The following SHQ1 variants were observed in gnomAD, a reference collection of about 807,000 sequenced individuals.
SHQ1 encodes SHQ1, H/ACA ribonucleoprotein assembly factor.
A neutral mutation model predicts 53.8 loss-of-function variants in SHQ1; 49 were observed. The ratio of observed to expected loss-of-function variants is 0.91; its 90% CI spans 0.72 to 1.16. The LOEUF (loss-of-function observed/expected upper bound fraction) is 1.16, where lower values mean the gene tolerates loss of function less well. SHQ1 is among the 50% of genes most tolerant of loss of function. The probability of loss-of-function intolerance (pLI) is 0.00; values close to 1 mark genes in which losing one functional copy is unlikely to be tolerated. For synonymous variants in SHQ1, 243 were observed against 251.0 expected, an observed-to-expected ratio of 0.97 and a Z score of 0.30; for missense variants, 738 against 683.1, an observed-to-expected ratio of 1.08 and a Z score of -0.90.
intron 10 of SHQ1, among the ~76,000 whole-genome samples, chr3:72,769,394 C>T (rs144475552): frequency 2.0e-5 from 3 of 152,224 alleles, no homozygotes; most frequent in Non-Finnish European, 2.9e-5. Context: ...GCAACTTCTA[C>T]GTCTGCAGAC....
chr3:72,789,095 A>G (rs990332929), intron 10 of SHQ1, among the ~76,000 whole-genome samples: 3 of 152,158 alleles, frequency 2.0e-5, no homozygotes, highest in Non-Finnish European at 4.4e-5. Flanking sequence ...AAAAAAAAAA[A>G]AAAGAAAAAT....
chr3:72,784,687 A>C lies in SHQ1; in HGVS notation c.1181+8229T>G, dbSNP rs990638570. ...TTCTACATGCTAATCATTAGCAGCT[A>C]ATTTAACACTTAGCATTTCACCATT... On this transcript the variant is annotated intron_variant, in intron 10 of 10. Coordinates refer to ENST00000325599, the MANE Select transcript of SHQ1 (RefSeq NM_018130.3). Among the ~76,000 whole-genome samples, 5 of 152,246 alleles carry C rather than the reference A, an allele frequency of 3.3e-5. No individual in the cohort carries two copies. In the East Asian group the frequency reaches 9.6e-4, roughly 29 times the overall value.
At chr3:72,805,181 G>C (rs1706901747) in intron 9 of SHQ1, among the ~76,000 whole-genome samples, 1 of 152,100 alleles carries the variant, frequency 6.6e-6, no homozygotes, top group South Asian at 2.1e-4. Flanking sequence ...AAATTAATAA[G>C]AAAATAAAGA....
At chr3:72,783,638 T>C (rs887019949) in intron 10 of SHQ1, among the ~76,000 whole-genome samples, 6 of 152,200 alleles carry the variant, frequency 3.9e-5, no homozygotes, top group Non-Finnish European at 7.3e-5. Flanking sequence ...TTTTTATCAA[T>C]GTATCATAAT....
At chr3:72,837,287 A>G (rs1708031466) in intron 4 of SHQ1, among the ~76,000 whole-genome samples, 1 of 152,192 alleles carries the variant, frequency 6.6e-6, no homozygotes, top group Non-Finnish European at 1.5e-5. Context: ...AATTTGTTTC[A>G]GCAAAAATAT....
chr3:72,776,498 C>A (rs1705960467), intron 10 of SHQ1, among the ~76,000 whole-genome samples: 1 of 152,162 alleles, frequency 6.6e-6, no homozygotes, highest in African/African-American at 2.4e-5. Context: ...CACAACAAAA[C>A]TGCCTAATGA....
chr3:72,787,166 C>A lies in SHQ1; in HGVS notation c.1181+5750G>T, dbSNP rs1706257790. Among the ~76,000 whole-genome samples the A allele has an allele frequency of 3.3e-5, 5 of 152,334 alleles. No individual in the cohort carries two copies. In the South Asian group the frequency reaches 1.0e-3, roughly 32 times the overall value. ...GCTGTTTCCCTCTACAAACTTCCCA[C>A]ATTAGTGTCCAAAAGGTCAGAAGAT... On this transcript the variant is annotated intron_variant, in intron 10 of 10. Transcript: ENST00000325599.
intron 5 of SHQ1, among the ~76,000 whole-genome samples, chr3:72,827,753 CTTTTTTTT>C (rs397877851): frequency 2.7e-5 from 3 of 111,688 alleles, no homozygotes; most frequent in African/African-American, 1.1e-4. Context: ...TTTTTCAAGA[CTTTTTTTT>C]TTTTTTTTTT....
At chr3:72,813,535 G>A (rs930287344) in intron 8 of SHQ1, among the ~76,000 whole-genome samples, 12 of 150,282 alleles carry the variant, frequency 8.0e-5, no homozygotes, top group African/African-American at 2.7e-4. Context: ...GGAGGCCGAC[G>A]GGCGGACCAC....
intron 10 of SHQ1, among the ~76,000 whole-genome samples, chr3:72,788,777 C>A (rs1026652902): frequency 6.6e-6 from 1 of 152,120 alleles, no homozygotes; most frequent in Non-Finnish European, 1.5e-5. Context: ...TATAACCTTA[C>A]CCCCAACCCC....
chr3:72,815,227 G>A, intron 8 of SHQ1, 123 bp downstream of exon 8: 1 of 765,672 alleles, frequency 1.3e-6, no homozygotes, highest in Non-Finnish European at 2.2e-6. Context: ...AAACATACTT[G>A]TACAATAGAG....
intron 10 of SHQ1, among the ~76,000 whole-genome samples, chr3:72,784,521 C>T (rs1178055283): frequency 1.3e-5 from 2 of 152,168 alleles, no homozygotes; most frequent in African/African-American, 4.8e-5. Flanking sequence ...CACTTCCATC[C>T]AGGATGAATT....
At chr3:72,812,847 A>G (rs1707170154) in intron 8 of SHQ1, 53 bp from the exon 9 acceptor site, 1 of 1,603,460 alleles carries the variant, frequency 6.2e-7, no homozygotes. Flanking sequence ...TTACACAAAC[A>G]AAAGTACACA....
chr3:72,760,640 C>T (rs1197984251), intron 10 of SHQ1, among the ~76,000 whole-genome samples: 1 of 152,198 alleles, frequency 6.6e-6, no homozygotes, highest in Non-Finnish European at 1.5e-5. Context: ...CTCTCATCTG[C>T]TCTCTTTCAA....
At chr3:72,738,657 G>A in the SHQ1 span, among the ~76,000 whole-genome samples, 1 of 152,144 alleles carries the variant, frequency 6.6e-6, no homozygotes, top group Admixed American at 6.5e-5. Context: ...GAAAGCCACT[G>A]ATGTCGCCCC....
At chr3:72,827,265 G>A (rs141509378) in intron 5 of SHQ1, among the ~76,000 whole-genome samples, 3 of 152,170 alleles carry the variant, frequency 2.0e-5, no homozygotes, top group African/African-American at 7.2e-5. Flanking sequence ...TTTACAAACA[G>A]ACCCATCCAA....
At chr3:72,730,045 C>G in the SHQ1 span, among the ~76,000 whole-genome samples, 1 of 151,956 alleles carries the variant, frequency 6.6e-6, no homozygotes, top group East Asian at 1.9e-4. Flanking sequence ...GTCTCGATCT[C>G]CTGACCTCGT....
At chr3:72,755,294 GGATGGATA>G (rs1031996828) in intron 10 of SHQ1, among the ~76,000 whole-genome samples, 1 of 151,556 alleles carries the variant, frequency 6.6e-6, no homozygotes, top group African/African-American at 2.4e-5. Context: ...ATGGATGGAT[GGATGGATA>G]GATGGATGGA....
At chr3:72,823,663 G>A (rs995068242) in intron 6 of SHQ1, among the ~76,000 whole-genome samples, 4 of 152,176 alleles carry the variant, frequency 2.6e-5, no homozygotes, top group African/African-American at 7.2e-5. Flanking sequence ...GGTACAAACC[G>A]GGTATACGTG....
Sources: allele counts gnomAD v4.1 joint callset (sites outside exome capture counted in the v4.1 genomes callset), GRCh38; gene constraint gnomAD v4.1.1; transcripts MANE v1.5; gene names NCBI Gene and HGNC (gene_info 2026-07-23, HGNC 2026-07-21).